Variants in CAMTA1 observed in about 807,000 individuals in gnomAD.
The protein encoded by CAMTA1 is calmodulin binding transcription activator 1.
In CAMTA1, 27 loss-of-function variants were observed where a neutral mutation model predicts 170.9. The observed-to-expected ratio is 0.16, with a 90% CI of 0.12 to 0.22. The LOEUF (loss-of-function observed/expected upper bound fraction) is 0.22, where lower values mean the gene tolerates loss of function less well. Among genes scored for constraint, CAMTA1 ranks in the 10% least tolerant of loss-of-function variants. The pLI is 1.00. For synonymous variants in CAMTA1, 833 were observed against 891.5 expected (o/e 0.93, Z 1.17); for missense variants, 1,619 against 2,217.2 (o/e 0.73, Z 5.42).
At chr1:7,655,452 C>G (rs115143491) in intron 7 of CAMTA1, among the ~76,000 whole-genome samples, 1 of 146,312 alleles carries the variant, frequency 6.8e-6, no homozygotes, top group South Asian at 2.3e-4. Flanking sequence ...TACACACATA[C>G]CTATACACAA....
At chr1:7,497,358 A>C (rs2093846336) in intron 6 of CAMTA1, among the ~76,000 whole-genome samples, 1 of 151,546 alleles carries the variant, frequency 6.6e-6, no homozygotes, top group Admixed American at 6.6e-5. Flanking sequence ...CATCCTCCAA[A>C]CCTCTTGGTG....
At chr1:6,821,929 G>A (rs114913224) in intron 2 of CAMTA1, among the ~76,000 whole-genome samples, 2,224 of 152,176 alleles carry the variant, frequency 0.015, 49 homozygotes, top group African/African-American at 0.05. Context: ...AGGATGGTTC[G>A]TTCTTTAGAA....
rs551033367 is a variant in CAMTA1 at position 7,113,339 on chromosome 1, G to T, written c.302+21968G>T. Reference sequence around the variant, plus strand: ...CGTATGTTTGCTTGGCCACGTGCCTGTGTGGCCATTCTGACCAAGTGGGGT... The same window carrying T: ...CGTATGTTTGCTTGGCCACGTGCCTTTGTGGCCATTCTGACCAAGTGGGGT... On this transcript the variant is annotated intron_variant, in intron 4 of 22. Transcript: ENST00000303635. The surrounding 1 kb of genome is among the most constrained non-coding windows in gnomAD (Gnocchi z 4.5). Among the ~76,000 whole-genome samples, 11 of 152,350 alleles carry T rather than the reference G, an allele frequency of 7.2e-5. No individual in the cohort carries two copies. The highest frequency in any genetic ancestry group is 1.6e-4 in the Non-Finnish European group (11 of 68,036).
At position 7,272,692 on chromosome 1, in the gene CAMTA1, C is replaced by CAAAAAAAAAAAAAAAAAAAAAAAAAAA. The variant is rs371588178; in HGVS notation, c.438+23090_438+23091insAAAAAAAAAAAAAAAAAAAAAAAAAAA. On this transcript the variant is annotated intron_variant, in intron 5 of 22. Transcript: ENST00000303635. Reference sequence around the variant, plus strand: ...TCTGGGGCAACTGGATAAACACATGCAAAAAAAAAAAAAAAAAAAAAAAAG... The same window carrying CAAAAAAAAAAAAAAAAAAAAAAAAAAA: ...TCTGGGGCAACTGGATAAACACATGCAAAAAAAAAAAAAAAAAAAAAAAAAAAAAAAAAAAAAAAAAAAAAAAAAAAG... Among the ~76,000 whole-genome samples the CAAAAAAAAAAAAAAAAAAAAAAAAAAA allele has an allele frequency of 1.4e-3, 53 of 38,812 alleles. 4 individuals carry two copies. The highest frequency in any genetic ancestry group is 3.7e-3 in the South Asian group (2 of 544). 25.5% of individuals were successfully genotyped at this position (38,812 alleles called of 152,430 possible).
intron 6 of CAMTA1, among the ~76,000 whole-genome samples, chr1:7,497,002 G>A (rs935075286): frequency 9.8e-5 from 12 of 122,918 alleles, no homozygotes; most frequent in East Asian, 2.8e-4. Context: ...GCCAAGCCAC[G>A]GTCCACCCCA....
chr1:7,213,772 C>A (rs1337474255), intron 4 of CAMTA1, among the ~76,000 whole-genome samples: 1 of 151,972 alleles, frequency 6.6e-6, no homozygotes, highest in Non-Finnish European at 1.5e-5. Flanking sequence ...GCCCACCCCA[C>A]AACAGGCCCC....
chr1:7,640,177 A>C (rs1178545711), intron 6 of CAMTA1, among the ~76,000 whole-genome samples: 1 of 152,102 alleles, frequency 6.6e-6, no homozygotes, highest in East Asian at 1.9e-4. Flanking sequence ...GGAGGGGCCT[A>C]ATGACATCTA....
At chr1:7,490,583 C>T (rs566171865) in intron 6 of CAMTA1, among the ~76,000 whole-genome samples, 23 of 152,036 alleles carry the variant, frequency 1.5e-4, no homozygotes, top group South Asian at 6.2e-4. Flanking sequence ...ACCCAGGAGG[C>T]GGAGGTTGCG....
chr1:7,411,084 T>G (rs1334520177), intron 5 of CAMTA1, among the ~76,000 whole-genome samples: 1 of 152,160 alleles, frequency 6.6e-6, no homozygotes, highest in Admixed American at 6.5e-5. Context: ...CATAATATAT[T>G]CGATTCTCAC....
At chr1:7,395,763 A>G (rs892216823) in intron 5 of CAMTA1, among the ~76,000 whole-genome samples, 2 of 151,926 alleles carry the variant, frequency 1.3e-5, no homozygotes, top group Admixed American at 6.6e-5. Context: ...CAATTTTTTT[A>G]TAGTTTTCAT....
At chr1:7,276,303 ATTTTTT>A (rs1180773965) in intron 5 of CAMTA1, among the ~76,000 whole-genome samples, 35 of 24,190 alleles carry the variant, frequency 1.4e-3, no homozygotes, top group South Asian at 4.7e-3. Flanking sequence ...ATATATATAT[ATTTTTT>A]TTTTTTTTTT....
chr1:6,864,684 T>C (rs549532192), intron 3 of CAMTA1, among the ~76,000 whole-genome samples: 3 of 152,304 alleles, frequency 2.0e-5, no homozygotes, highest in African/African-American at 7.2e-5. Context: ...CTTGGTTCCC[T>C]TGGGACCCCA....
At chr1:7,142,169 ACC>A in intron 4 of CAMTA1, 1 of 517,896 alleles carries the variant, frequency 1.9e-6, no homozygotes, top group Non-Finnish European at 3.9e-6. Flanking sequence ...TACTGCCAGC[ACC>A]CTCCCAGGCT....
In CAMTA1 at chr1:7,286,209, G is replaced by A. The variant is rs1040691845; in HGVS notation, c.438+36583G>A. On this transcript the variant is annotated intron_variant, in intron 5 of 22. Coordinates refer to ENST00000303635, the MANE Select transcript of CAMTA1 (RefSeq NM_015215.4). The surrounding 1 kb of genome is among the most constrained non-coding windows in gnomAD (Gnocchi z 4.2). Reference sequence around the variant, plus strand: ...CTCACAGGGAGATTGGCATGTGATTGGGCCCTGAAGGGTGAGGAGGAGCAG... The same window carrying A: ...CTCACAGGGAGATTGGCATGTGATTAGGCCCTGAAGGGTGAGGAGGAGCAG... 1.3e-5 allele frequency among the ~76,000 whole-genome samples: 2 copies of A among 152,304 alleles called. No individual in the cohort carries two copies. Among genetic ancestry groups the A allele is most frequent in the Non-Finnish European group, 2.9e-5 (2 of 68,044 alleles).
chr1:7,629,340 A>C (rs1448487395), intron 6 of CAMTA1, among the ~76,000 whole-genome samples: 1 of 152,210 alleles, frequency 6.6e-6, no homozygotes, highest in Non-Finnish European at 1.5e-5. Flanking sequence ...GGTCCCAAAG[A>C]GAGATGGCCC....
In CAMTA1 at chr1:7,091,622, C is replaced by G. The variant is rs1433738695; in HGVS notation, c.302+251C>G. Reference sequence around the variant, plus strand: ...TAACCTGACGGCTGCATCCTTCAGCCGGGTGCTTGGAAGGCTTCACAGGCA... The same window carrying G: ...TAACCTGACGGCTGCATCCTTCAGCGGGGTGCTTGGAAGGCTTCACAGGCA... On this transcript the variant is annotated intron_variant, in intron 4 of 22. Coordinates refer to ENST00000303635, the MANE Select transcript of CAMTA1 (RefSeq NM_015215.4). 2.0e-5 allele frequency among the ~76,000 whole-genome samples: 3 copies of G among 152,180 alleles called. No homozygotes were observed. The East Asian group carries it at 5.8e-4, about 29-fold the overall frequency.
chr1:7,303,025 C>A (rs1479622109), intron 5 of CAMTA1, among the ~76,000 whole-genome samples: 1 of 152,146 alleles, frequency 6.6e-6, no homozygotes, highest in Non-Finnish European at 1.5e-5. Context: ...TGTCTGTGTC[C>A]TCATTCATGA....
chr1:6,980,623 G>A (rs1016972837), intron 3 of CAMTA1, among the ~76,000 whole-genome samples: 1 of 152,116 alleles, frequency 6.6e-6, no homozygotes, highest in African/African-American at 2.4e-5. Flanking sequence ...AGGTAATCAA[G>A]TCATGGCAGG....
rs1474215164 is a variant in CAMTA1, at chr1:7,463,416, TAAAGAC to T, written c.439-4412_439-4407del. Among the ~76,000 whole-genome samples the T allele has an allele frequency of 7.2e-6, 1 of 139,582 alleles. No homozygotes were observed. Among genetic ancestry groups the T allele is most frequent in the East Asian group, 2.1e-4 (1 of 4,746 alleles). 91.6% of individuals were successfully genotyped at this position (139,582 alleles called of 152,430 possible). ...ACAGATACAGAAACGGAGAGAGAAA[TAAAGAC>T]AGACGGGGAGAGACAGATGGGGGAA... is the stretch of plus-strand genomic sequence containing the variant. On this transcript the variant is annotated intron_variant, in intron 5 of 22. Coordinates refer to ENST00000303635, the MANE Select transcript of CAMTA1 (RefSeq NM_015215.4). The surrounding 1 kb of genome is among the most constrained non-coding windows in gnomAD (Gnocchi z 4.7).
Sources: gnomAD v4.1 joint callset for allele counts (sites outside exome capture counted in the v4.1 genomes callset) on GRCh38, gnomAD v4.1.1 for gene constraint, Gnocchi (gnomAD v3.1) non-coding constraint, MANE v1.5 for transcripts, NCBI Gene and HGNC (gene_info 2026-07-23, HGNC 2026-07-21) for gene names.